The following NCOR2 variants were observed in gnomAD, a reference collection of about 807,000 sequenced individuals.
NCOR2 encodes nuclear receptor corepressor 2, also known as CTG repeat protein 26.
NCOR2 carries 81 observed loss-of-function variants against 262.9 expected under a neutral mutation model. The ratio of observed to expected loss-of-function variants is 0.31; its 90% CI spans 0.26 to 0.37. The LOEUF (loss-of-function observed/expected upper bound fraction) is 0.37, where lower values mean the gene tolerates loss of function less well. Ranked by LOEUF, NCOR2 falls within the 10% of genes least tolerant of loss-of-function variation. The pLI is 1.00. For synonymous variants in NCOR2, 1,659 were observed against 1,559.3 expected (o/e 1.06, Z -1.51); for missense variants, 3,385 against 3,621.4 (o/e 0.93, Z 1.68).
At chr12:124,478,712 G>A (rs1011605438) in intron 3 of NCOR2, among the ~76,000 whole-genome samples, 3 of 152,128 alleles carry the variant, frequency 2.0e-5, no homozygotes, top group Non-Finnish European at 4.4e-5. Flanking sequence ...AGAGGAGAGA[G>A]AGACAGACAC....
chr12:124,360,376 G>A (rs573539061), intron 22 of NCOR2, among the ~76,000 whole-genome samples: 47 of 152,322 alleles, frequency 3.1e-4, no homozygotes, highest in East Asian at 3.9e-4. Flanking sequence ...CTCCCGATGC[G>A]CCCTTCCTTC....
chr12:124,461,157 C>T (rs1039923049), intron 5 of NCOR2, among the ~76,000 whole-genome samples: 1 of 152,268 alleles, frequency 6.6e-6, no homozygotes, highest in Non-Finnish European at 1.5e-5. Context: ...TTCTCAATCC[C>T]GCTGAAACCC....
intron 20 of NCOR2, among the ~76,000 whole-genome samples, chr12:124,371,581 G>A (rs1318028703): frequency 1.3e-5 from 2 of 152,198 alleles, no homozygotes; most frequent in Non-Finnish European, 2.9e-5. Flanking sequence ...CGCCAGCAGC[G>A]GCCAGGAGCT....
At chr12:124,385,871 G>A (rs1221120273) in exon 17 of NCOR2, 2 of 1,613,590 alleles carry the variant, frequency 1.2e-6, no homozygotes, top group South Asian at 1.1e-5. Flanking sequence ...ACCAGTTGCG[G>A]CCGTGTTCCA....
chr12:124,461,696 C>T (rs929963126), intron 5 of NCOR2, among the ~76,000 whole-genome samples: 16 of 152,252 alleles, frequency 1.1e-4, no homozygotes, highest in Non-Finnish European at 2.2e-4. Flanking sequence ...CGCCATCTCA[C>T]GCACATCCAC....
rs140012571 is a variant in NCOR2, at chr12:124,429,748, G to C, written c.1056-42C>G. 2,577 of 1,533,342 alleles carry C rather than the reference G, an allele frequency of 1.7e-3. 24 individuals are homozygous for C. The African/African-American group carries it at 0.029, about 17-fold the overall frequency. 95.0% of individuals were successfully genotyped at this position (1,533,342 alleles called of 1,614,324 possible). On this transcript the variant is annotated intron_variant, in intron 9 of 46. Transcript: ENST00000405201. ...CACACTCAGGACCGGTCTTCTGGTG[G>C]TCGGGGACACTAGCAGACCCCTGTG...
chr12:124,535,751 A>G (rs1473341001), upstream of NCOR2: 1 of 152,276 alleles, frequency 6.6e-6, no homozygotes, highest in Non-Finnish European at 1.5e-5. Context: ...TTTCTCCATG[A>G]GAACCCTGTG....
chr12:124,395,117 G>C (rs1053612918), intron 16 of NCOR2, among the ~76,000 whole-genome samples: 10 of 152,202 alleles, frequency 6.6e-5, no homozygotes, highest in Admixed American at 6.5e-4. Flanking sequence ...GCTCATTCCT[G>C]AGTGCCCCTG....
At chr12:124,477,080 C>A (rs1438192361) in intron 3 of NCOR2, among the ~76,000 whole-genome samples, 1 of 151,884 alleles carries the variant, frequency 6.6e-6, no homozygotes, top group Non-Finnish European at 1.5e-5. Flanking sequence ...TTCGTGGTTG[C>A]CAGGAAAAAG....
chr12:124,355,542 T>C, exon 24 of NCOR2: 3 of 1,589,320 alleles, frequency 1.9e-6, no homozygotes, highest in South Asian at 1.2e-5. Context: ...GGCCGGGCAG[T>C]GTCATGGAGG....
exon 21 of NCOR2, chr12:124,363,778 G>C: frequency 7.3e-7 from 1 of 1,378,752 alleles, no homozygotes; most frequent in South Asian, 1.9e-5. Flanking sequence ...GGGTGAGGAG[G>C]CTGGGCCTTG....
intron 43 of NCOR2, among the ~76,000 whole-genome samples, chr12:124,331,219 C>T (rs1227656967): frequency 2.0e-5 from 3 of 152,044 alleles, no homozygotes; most frequent in Admixed American, 6.6e-5. Flanking sequence ...TCCGCCACCA[C>T]GCCTGGCTAA....
At chr12:124,535,985 C>T (rs188737259), upstream of NCOR2, among the ~76,000 whole-genome samples, 690 of 152,256 alleles carry the variant, frequency 4.5e-3, 5 homozygotes, top group Non-Finnish European at 5.9e-3. Flanking sequence ...ACCCCACAAA[C>T]AGGGAGATGG....
rs368930961 is a variant in NCOR2, at chr12:124,333,398, G to A, written c.6606-119C>T. 149 of 946,724 alleles carry A rather than the reference G, an allele frequency of 1.6e-4. No homozygotes were observed. The African/African-American group carries it at 2.3e-3, about 15-fold the overall frequency. 58.6% of individuals were successfully genotyped at this position (946,724 alleles called of 1,614,324 possible). On this transcript the variant is annotated intron_variant, in intron 41 of 46. Coordinates refer to ENST00000405201, the Ensembl canonical transcript of NCOR2. ...TCCTGTACGTGGCCAAATCATAAAC[G>A]TTTTAGGCATTTTCGACCACAAGTA...
chr12:124,522,069 C>G (rs1170753123), intron 1 of NCOR2, among the ~76,000 whole-genome samples: 2 of 152,120 alleles, frequency 1.3e-5, no homozygotes, highest in African/African-American at 4.8e-5. Flanking sequence ...CACACCACTC[C>G]AGCCCAGTTT....
intron 3 of NCOR2, among the ~76,000 whole-genome samples, chr12:124,476,578 CA>C (rs2047109251): frequency 6.6e-6 from 1 of 152,178 alleles, no homozygotes; most frequent in African/African-American, 2.4e-5. Flanking sequence ...TTTCCATCCC[CA>C]GGGCTAACAG....
chr12:124,373,689 C>A (rs1288426251), intron 19 of NCOR2, among the ~76,000 whole-genome samples: 1 of 107,526 alleles, frequency 9.3e-6, no homozygotes, highest in Non-Finnish European at 1.9e-5. Context: ...TGCGCAGGGG[C>A]CCCGGGCACA....
exon 30 of NCOR2, chr12:124,347,873 G>T: frequency 6.4e-7 from 1 of 1,568,522 alleles, no homozygotes; most frequent in Admixed American, 1.9e-5. Flanking sequence ...AGGTGGTGGG[G>T]GCTGTGTCGC....
At chr12:124,336,866 G>A in exon 38 of NCOR2, 1 of 1,611,172 alleles carries the variant, frequency 6.2e-7, no homozygotes, top group East Asian at 2.2e-5. Flanking sequence ...GGCGTGGTGA[G>A]GTGCGAGGTT....
Sources: allele counts gnomAD v4.1 joint callset (sites outside exome capture counted in the v4.1 genomes callset), GRCh38; gene constraint gnomAD v4.1.1; transcripts MANE v1.5; gene names NCBI Gene and HGNC (gene_info 2026-07-23, HGNC 2026-07-21).